The following PTPRT variants were observed in gnomAD, a reference collection of about 807,000 sequenced individuals.
PTPRT encodes protein tyrosine phosphatase receptor type T.
In PTPRT, 56 loss-of-function variants were observed where a neutral mutation model predicts 176.8. The observed-to-expected ratio is 0.32, with a 90% CI of 0.26 to 0.40. PTPRT has a LOEUF of 0.40. Ranked by LOEUF, PTPRT falls within the 10% of genes least tolerant of loss-of-function variation. The pLI is 1.00. For synonymous variants in PTPRT, 783 were observed against 739.0 expected (o/e 1.06, Z -0.96); for missense variants, 1,540 against 1,908.2 (o/e 0.81, Z 3.60).
intron 2 of PTPRT, among the ~76,000 whole-genome samples, chr20:42,802,339 G>T (rs774675526): frequency 3.3e-5 from 5 of 152,180 alleles, no homozygotes; most frequent in Non-Finnish European, 7.4e-5. Context: ...CTCCTACCCT[G>T]GGCCACGCCC....
Position 42,496,737 on chromosome 20 carries a change from T to A in PTPRT, c.1154-24175A>T, listed in dbSNP as rs116113071. Among the ~76,000 whole-genome samples, 1,066 of 152,194 alleles carry A rather than the reference T, an allele frequency of 7.0e-3. 11 individuals carry two copies. Among genetic ancestry groups the A allele is most frequent in the African/African-American group, 0.024 (1,004 of 41,528 alleles). Reference sequence around the variant, plus strand: ...AAGTCACACACAACATCTGCACAGTTTTCCCTAGCAGTAATTTATTGTTTC... The same window carrying A: ...AAGTCACACACAACATCTGCACAGTATTCCCTAGCAGTAATTTATTGTTTC... On this transcript the variant is annotated intron_variant, in intron 7 of 30. Coordinates refer to ENST00000373187, the MANE Select transcript of PTPRT (RefSeq NM_007050.6).
intron 2 of PTPRT, among the ~76,000 whole-genome samples, chr20:42,845,919 G>C (rs188724803): frequency 1.8e-3 from 280 of 152,228 alleles, no homozygotes; most frequent in African/African-American, 6.4e-3. Flanking sequence ...CAAAATCCTT[G>C]TTCTCAGTCA....
At chr20:42,185,127 G>C (rs1423779509) in intron 16 of PTPRT, among the ~76,000 whole-genome samples, 1 of 152,080 alleles carries the variant, frequency 6.6e-6, no homozygotes, top group African/African-American at 2.4e-5. Context: ...AAGTGGTGTG[G>C]AAAAGCCAGG....
intron 1 of PTPRT, among the ~76,000 whole-genome samples, chr20:42,915,251 G>C (rs981999949): frequency 1.8e-4 from 27 of 152,238 alleles, no homozygotes; most frequent in African/African-American, 6.3e-4. Flanking sequence ...TTCCATTAAA[G>C]AGTATGTTTG....
intron 9 of PTPRT, among the ~76,000 whole-genome samples, chr20:42,380,314 T>C (rs1040936832): frequency 2.0e-5 from 3 of 152,254 alleles, no homozygotes; most frequent in Non-Finnish European, 4.4e-5. Context: ...GCCAGCTTTC[T>C]GGCACCGAGA....
chr20:42,902,045 A>G (rs986028447), intron 1 of PTPRT, among the ~76,000 whole-genome samples: 26 of 152,152 alleles, frequency 1.7e-4, no homozygotes, highest in African/African-American at 6.3e-4. Flanking sequence ...TTCCTTCCAA[A>G]GGCCTGAAGG....
At chr20:42,486,411 C>G (rs1226308092) in intron 7 of PTPRT, among the ~76,000 whole-genome samples, 1 of 152,192 alleles carries the variant, frequency 6.6e-6, no homozygotes, top group East Asian at 1.9e-4. Flanking sequence ...TAGTCTTGCT[C>G]AGATACTTGA....
intron 7 of PTPRT, among the ~76,000 whole-genome samples, chr20:42,620,137 G>T (rs2074161885): frequency 6.8e-6 from 1 of 147,322 alleles, no homozygotes; most frequent in Non-Finnish European, 1.5e-5. Context: ...TGTCCTTTCT[G>T]TTTGTTAGTT....
At chr20:42,311,848 T>G (rs1027784969) in intron 12 of PTPRT, among the ~76,000 whole-genome samples, 1 of 152,192 alleles carries the variant, frequency 6.6e-6, no homozygotes, top group African/African-American at 2.4e-5. Flanking sequence ...GAGCTGACTT[T>G]GTTTAAAAGA....
At chr20:42,310,299 T>C (rs1048067578) in intron 12 of PTPRT, among the ~76,000 whole-genome samples, 12 of 152,070 alleles carry the variant, frequency 7.9e-5, no homozygotes, top group African/African-American at 2.9e-4. Flanking sequence ...GGATGAAGGA[T>C]ACCCAGAAAT....
intron 7 of PTPRT, among the ~76,000 whole-genome samples, chr20:42,675,065 C>T (rs2075477550): frequency 6.6e-6 from 1 of 152,196 alleles, no homozygotes; most frequent in Non-Finnish European, 1.5e-5. Context: ...AGTTCCAACC[C>T]CTACCTGGCC....
chr20:42,863,290 C>T (rs974563050), intron 2 of PTPRT, among the ~76,000 whole-genome samples: 1 of 151,636 alleles, frequency 6.6e-6, no homozygotes, highest in Non-Finnish European at 1.5e-5. Context: ...GCAGCTGTGA[C>T]CACGAAGGAC....
chr20:42,185,280 C>A (rs1353595181), intron 16 of PTPRT, among the ~76,000 whole-genome samples: 3 of 152,124 alleles, frequency 2.0e-5, no homozygotes, highest in Non-Finnish European at 4.4e-5. Flanking sequence ...ATGCTTCTTT[C>A]CTTTACTATT....
chr20:42,559,425 A>G (rs2072913782), intron 7 of PTPRT, among the ~76,000 whole-genome samples: 1 of 152,216 alleles, frequency 6.6e-6, no homozygotes, highest in African/African-American at 2.4e-5. Flanking sequence ...CTAGGTGAGC[A>G]GCAAACCTGT....
chr20:42,775,022 G>T (rs149941457), intron 4 of PTPRT, among the ~76,000 whole-genome samples: 2 of 152,008 alleles, frequency 1.3e-5, no homozygotes, highest in African/African-American at 4.8e-5. Context: ...TATATTCCAC[G>T]AGCTTCAAAT....
At chr20:42,690,860 T>C (rs1170141512) in intron 6 of PTPRT, among the ~76,000 whole-genome samples, 1 of 152,182 alleles carries the variant, frequency 6.6e-6, no homozygotes, top group Non-Finnish European at 1.5e-5. Context: ...GTCATGGTCA[T>C]ACCTCACTGG....
intron 7 of PTPRT, among the ~76,000 whole-genome samples, chr20:42,657,733 A>G (rs997639652): frequency 6.6e-6 from 1 of 152,204 alleles, no homozygotes; most frequent in Non-Finnish European, 1.5e-5. Context: ...AAATGGTTCC[A>G]TGATCAGGAA....
intron 17 of PTPRT, among the ~76,000 whole-genome samples, chr20:42,149,136 T>A (rs750341317): frequency 6.6e-6 from 1 of 152,200 alleles, no homozygotes; most frequent in Admixed American, 6.5e-5. Context: ...CTCTGGCCAA[T>A]ACATTTCAGC....
intron 1 of PTPRT, among the ~76,000 whole-genome samples, chr20:43,129,053 G>T (rs73106019): frequency 0.02 from 3,057 of 152,306 alleles, 63 homozygotes; most frequent in South Asian, 0.078. Context: ...TGAGGGTCCT[G>T]CTTGTTTTCT....
Sources: allele counts gnomAD v4.1 joint callset (sites outside exome capture counted in the v4.1 genomes callset), GRCh38; gene constraint gnomAD v4.1.1; transcripts MANE v1.5; gene names NCBI Gene and HGNC (gene_info 2026-07-23, HGNC 2026-07-21).